SIK3: variants seen among roughly 807,000 people sequenced by gnomAD.
SIK3 encodes the protein serine/threonine-protein kinase SIK3.
In SIK3, 28 loss-of-function variants were observed where a neutral mutation model predicts 144.2. The ratio of observed to expected loss-of-function variants is 0.19; its 90% CI spans 0.14 to 0.27. SIK3 has a LOEUF of 0.27. Ranked by LOEUF, SIK3 falls within the 10% of genes least tolerant of loss-of-function variation. The probability of loss-of-function intolerance (pLI) is 1.00; values close to 1 mark genes in which losing one functional copy is unlikely to be tolerated. For synonymous variants in SIK3, 686 were observed against 676.3 expected, an observed-to-expected ratio of 1.01 and a Z score of -0.22; for missense variants, 1,319 against 1,776.0, an observed-to-expected ratio of 0.74 and a Z score of 4.62.
At chr11:116,966,393 A>G (rs1286658252) in intron 1 of SIK3, among the ~76,000 whole-genome samples, 2 of 152,056 alleles carry the variant, frequency 1.3e-5, no homozygotes, top group Non-Finnish European at 2.9e-5. Flanking sequence ...ACCCCATTTC[A>G]AAAAATAAAA....
At chr11:117,020,246 T>TATATATATATATATATAC in intron 1 of SIK3, among the ~76,000 whole-genome samples, 16 of 127,292 alleles carry the variant, frequency 1.3e-4, no homozygotes, top group South Asian at 1.0e-3. Flanking sequence ...CATATATATA[T>TATATATATATATATATAC]ACACATACAT....
intron 3 of SIK3, among the ~76,000 whole-genome samples, chr11:116,947,518 A>AATAT (rs139398268): frequency 2.0e-4 from 26 of 132,400 alleles, no homozygotes; most frequent in African/African-American, 2.4e-4. Flanking sequence ...TAGCTAGGGA[A>AATAT]ATATATATAT....
At chr11:116,917,559 T>C (rs969292366) in intron 4 of SIK3, among the ~76,000 whole-genome samples, 8 of 151,816 alleles carry the variant, frequency 5.3e-5, no homozygotes, top group African/African-American at 1.2e-4. Context: ...AATTTAAAAA[T>C]TCGCCAGGCA....
chr11:117,042,254 T>C (rs936827350), intron 1 of SIK3, among the ~76,000 whole-genome samples: 1 of 152,198 alleles, frequency 6.6e-6, no homozygotes, highest in Non-Finnish European at 1.5e-5. Context: ...TTCTAATCTC[T>C]GGAAGTTAAA....
chr11:117,086,813 G>A (rs866962085), intron 1 of SIK3, among the ~76,000 whole-genome samples: 32 of 151,802 alleles, frequency 2.1e-4, no homozygotes, highest in African/African-American at 6.8e-4. Context: ...TGACTAACAC[G>A]GTGAAACCCC....
intron 6 of SIK3, among the ~76,000 whole-genome samples, chr11:116,893,050 G>C (rs1384589530): frequency 6.6e-6 from 1 of 152,180 alleles, no homozygotes; most frequent in African/African-American, 2.4e-5. Flanking sequence ...GTTGCAGGGG[G>C]TTAGGGAGAA....
At chr11:116,868,127 C>CA (rs770528370) in intron 14 of SIK3, 38 bp from the exon 15 acceptor site, 373 of 1,550,184 alleles carry the variant, frequency 2.4e-4, no homozygotes, top group Non-Finnish European at 3.0e-4. Flanking sequence ...GTAAAAAAGA[C>CA]AGACAGGAAT....
intron 21 of SIK3, among the ~76,000 whole-genome samples, chr11:116,850,028 G>A (rs531559444): frequency 3.2e-4 from 48 of 152,198 alleles, no homozygotes; most frequent in African/African-American, 1.0e-3. Context: ...AGACATTGTC[G>A]TTTTGATGCC....
chr11:116,860,505 G>A (rs1943264114), intron 19 of SIK3, among the ~76,000 whole-genome samples: 1 of 152,184 alleles, frequency 6.6e-6, no homozygotes, highest in Admixed American at 6.5e-5. Context: ...CCACAAGAGA[G>A]GGGCCCACGT....
chr11:117,087,317 C>T (rs1955059987), intron 1 of SIK3, among the ~76,000 whole-genome samples: 1 of 152,022 alleles, frequency 6.6e-6, no homozygotes, highest in African/African-American at 2.4e-5. Flanking sequence ...GCTATGGGCA[C>T]CTGTAATCCC....
intron 1 of SIK3, among the ~76,000 whole-genome samples, chr11:116,976,104 A>T (rs913595431): frequency 6.6e-6 from 1 of 152,210 alleles, no homozygotes; most frequent in African/African-American, 2.4e-5. Context: ...TATTCTAGAT[A>T]CAAGTCCCTT....
intron 13 of SIK3, among the ~76,000 whole-genome samples, chr11:116,872,052 G>A (rs1943998871): frequency 6.6e-6 from 1 of 151,976 alleles, no homozygotes. Flanking sequence ...ATGGGAATAG[G>A]GCCTAGGATA....
chr11:117,080,590 C>A (rs929768813), intron 1 of SIK3, among the ~76,000 whole-genome samples: 1 of 151,754 alleles, frequency 6.6e-6, no homozygotes, highest in African/African-American at 2.4e-5. Context: ...GAAAAAAAAA[C>A]CACTAGCACA....
chr11:116,987,169 C>T (rs1250124407), intron 1 of SIK3, among the ~76,000 whole-genome samples: 1 of 152,152 alleles, frequency 6.6e-6, no homozygotes, highest in Non-Finnish European at 1.5e-5. Context: ...CTCAGTGACA[C>T]TCCAATATGA....
chr11:116,938,067 T>C (rs1948014445), intron 3 of SIK3, among the ~76,000 whole-genome samples: 1 of 151,640 alleles, frequency 6.6e-6, no homozygotes, highest in Admixed American at 6.6e-5. Flanking sequence ...TAGCTGGGCA[T>C]GGTGGCGTGT....
At chr11:117,065,204 G>A (rs1270719467) in intron 1 of SIK3, among the ~76,000 whole-genome samples, 4 of 151,200 alleles carry the variant, frequency 2.6e-5, no homozygotes, top group Non-Finnish European at 5.9e-5. Flanking sequence ...TTCGTCTCTA[G>A]TGATTCTTAC....
intron 1 of SIK3, among the ~76,000 whole-genome samples, chr11:116,988,294 G>A (rs766510969): frequency 2.6e-5 from 4 of 151,968 alleles, no homozygotes; most frequent in Non-Finnish European, 5.9e-5. Flanking sequence ...GCTAAGGCAG[G>A]AGAATGGCGT....
chr11:116,851,180 G>GCA (rs982241455), intron 21 of SIK3, among the ~76,000 whole-genome samples: 9 of 152,170 alleles, frequency 5.9e-5, no homozygotes, highest in African/African-American at 2.2e-4. Context: ...CCTCCTGGTA[G>GCA]CACTTTTGAC....
intron 6 of SIK3, among the ~76,000 whole-genome samples, chr11:116,880,921 C>T (rs1228431315): frequency 6.6e-6 from 1 of 151,986 alleles, no homozygotes; most frequent in Non-Finnish European, 1.5e-5. Flanking sequence ...GCTAGGAGTT[C>T]GAGACCAGCC....
Sources: allele counts gnomAD v4.1 joint callset (sites outside exome capture counted in the v4.1 genomes callset), GRCh38; gene constraint gnomAD v4.1.1; transcripts MANE v1.5; gene names NCBI Gene and HGNC (gene_info 2026-07-23, HGNC 2026-07-21).